The following EPB41L5 variants were observed in gnomAD, a reference collection of about 807,000 sequenced individuals.
EPB41L5 encodes band 4.1-like protein 5.
A neutral mutation model predicts 106.6 loss-of-function variants in EPB41L5; 55 were observed. The observed-to-expected ratio is 0.52, with a 90% CI of 0.42 to 0.65. The LOEUF is 0.65. EPB41L5 is among the 30% of genes least tolerant of loss of function. The pLI is 0.00. For missense variants in EPB41L5, 871 were observed against 882.1 expected, an observed-to-expected ratio of 0.99 and a Z score of 0.16; for synonymous variants, 297 against 306.7, an observed-to-expected ratio of 0.97 and a Z score of 0.33.
chr2:120,061,077 G>C (rs1467738193), intron 3 of EPB41L5, among the ~76,000 whole-genome samples: 3 of 107,394 alleles, frequency 2.8e-5, no homozygotes, highest in Non-Finnish European at 5.1e-5. Context: ...GTCTCACTCT[G>C]TTGCCCAGGC....
intron 2 of EPB41L5, among the ~76,000 whole-genome samples, chr2:120,036,961 A>G (rs934485249): frequency 2.0e-5 from 3 of 152,276 alleles, no homozygotes; most frequent in Admixed American, 1.3e-4. Flanking sequence ...CTTTTGTTCA[A>G]CATAGTACTG....
chr2:120,023,076 T>G (rs573777058), intron 2 of EPB41L5, among the ~76,000 whole-genome samples: 1 of 152,356 alleles, frequency 6.6e-6, no homozygotes, highest in Non-Finnish European at 1.5e-5. Context: ...AGATTCTGGA[T>G]ATTAGCCCTT....
At chr2:120,035,266 T>A (rs971282884) in intron 2 of EPB41L5, among the ~76,000 whole-genome samples, 11 of 152,184 alleles carry the variant, frequency 7.2e-5, no homozygotes, top group South Asian at 4.1e-4. Flanking sequence ...AAAATTTTTT[T>A]TAAAAATTTT....
At chr2:120,013,390 C>T (rs1288200568) in intron 1 of EPB41L5, 180 bp downstream of exon 1, 2 of 152,038 alleles carry the variant, frequency 1.3e-5, no homozygotes, top group Non-Finnish European at 2.9e-5. Context: ...ATTAATCCCG[C>T]CGGAGGGAGG....
intron 16 of EPB41L5, among the ~76,000 whole-genome samples, chr2:120,115,044 TAC>T (rs1319535441): frequency 6.6e-6 from 1 of 152,208 alleles, no homozygotes; most frequent in Non-Finnish European, 1.5e-5. Context: ...ATTTTTATCT[TAC>T]AGTTTCTTTT....
intron 3 of EPB41L5, among the ~76,000 whole-genome samples, chr2:120,050,200 A>G (rs533215302): frequency 8.9e-4 from 136 of 152,082 alleles, no homozygotes; most frequent in African/African-American, 3.3e-3. Flanking sequence ...CCTGAATTTG[A>G]ATGTTGGCCT....
rs6732280 is a variant in EPB41L5 at position 120,074,858 on chromosome 2, C to T, written c.408-618C>T. Among the ~76,000 whole-genome samples, 985 of 152,250 alleles carry T rather than the reference C, an allele frequency of 6.5e-3. 15 individuals are homozygous for T. The highest frequency in any genetic ancestry group is 0.021 in the African/African-American group (870 of 41,552). The stretch of plus-strand genomic sequence containing the variant: ...CCCTTCACATAACAAGTAGATGTCT[C>T]GCTCTGTCATCTAGGCTGGAGTGCA... On this transcript the variant is annotated intron_variant, in intron 5 of 24. Transcript: ENST00000263713.
rs1375810154 is a variant in EPB41L5, at chr2:120,177,736, A to G, written c.*2829A>G. 2 of 152,198 alleles carry G rather than the reference A, an allele frequency of 1.3e-5. No homozygotes were observed. The highest frequency in any genetic ancestry group is 2.4e-5 in the African/African-American group (1 of 41,442). The allele number at this position is 152,198 out of a possible 1,614,324, so 9.4% of individuals were successfully genotyped here. A position where few individuals can be genotyped will look rare whatever the true frequency, so the allele number is the denominator to read the frequency against. ...TTAACATTTATACATTGTTTTAAGA[A>G]AAAACTTTTAAAAATATTTCTTATA... is the stretch of plus-strand genomic sequence containing the variant. On this transcript the variant is annotated 3_prime_UTR_variant, in exon 25 of 25. Transcript: ENST00000263713.
intron 16 of EPB41L5, 150 bp downstream of exon 16, chr2:120,100,964 A>T (rs1350579538): frequency 5.0e-6 from 3 of 603,302 alleles, no homozygotes; most frequent in Non-Finnish European, 2.9e-6. Context: ...AATCATATTG[A>T]GATGGGGAAA....
Position 120,143,118 on chromosome 2 carries a change from A to G in EPB41L5, c.1715A>G (p.Glu572Gly). The G allele has an allele frequency of 6.2e-7, 1 of 1,602,634 alleles. No individual in the cohort carries two copies. The highest frequency in any genetic ancestry group is 8.5e-7 in the Non-Finnish European group (1 of 1,175,658). The change falls in exon 19 of 25, where the codon GAA becomes GGA. Residue 572 changes from glutamate to glycine, a missense_variant. Physicochemically the swap from Glu to Gly is moderately conservative, Grantham distance 98. Coordinates refer to ENST00000263713, the MANE Select transcript of EPB41L5 (RefSeq NM_020909.4). ...AGTAACATTTTGAAGGCTCAAGTAG[A>G]AGCAGTGCATAAGGTAAGCTGCCTT... is the stretch of plus-strand genomic sequence containing the variant. ...FKSNILKAQV[E>G]AVHKVTKEDS...
At chr2:120,058,149 A>G (rs1397696043) in intron 3 of EPB41L5, among the ~76,000 whole-genome samples, 2 of 152,092 alleles carry the variant, frequency 1.3e-5, no homozygotes, top group Non-Finnish European at 2.9e-5. Context: ...CTTGCTACAT[A>G]CTTGTTATGT....
intron 2 of EPB41L5, among the ~76,000 whole-genome samples, chr2:120,022,092 G>A (rs575114337): frequency 6.6e-6 from 1 of 152,250 alleles, no homozygotes; most frequent in East Asian, 1.9e-4. Context: ...TTGTTTAAGA[G>A]CTTAGTATTG....
intron 16 of EPB41L5, among the ~76,000 whole-genome samples, chr2:120,115,619 T>A (rs960642086): frequency 7.2e-5 from 11 of 152,074 alleles, no homozygotes; most frequent in Non-Finnish European, 1.6e-4. Context: ...CTCGAACTCC[T>A]GACCTTGTGA....
intron 1 of EPB41L5, among the ~76,000 whole-genome samples, chr2:120,016,386 C>A (rs891477096): frequency 6.6e-6 from 1 of 151,478 alleles, no homozygotes; most frequent in Admixed American, 6.6e-5. Context: ...GCCGAGATCG[C>A]GCCATTGCAC....
intron 16 of EPB41L5, among the ~76,000 whole-genome samples, chr2:120,107,251 C>T (rs758288430): frequency 1.4e-4 from 21 of 152,104 alleles, no homozygotes; most frequent in Non-Finnish European, 2.9e-4. Context: ...GGTCAGGGCA[C>T]ACTCTTCATT....
intron 20 of EPB41L5, among the ~76,000 whole-genome samples, chr2:120,156,186 G>A (rs971137060): frequency 6.6e-6 from 1 of 152,148 alleles, no homozygotes; most frequent in Non-Finnish European, 1.5e-5. Flanking sequence ...TTGTCCATCA[G>A]GTAGGGCTGC....
At chr2:120,057,889 A>G (rs1390751993) in intron 3 of EPB41L5, among the ~76,000 whole-genome samples, 3 of 152,074 alleles carry the variant, frequency 2.0e-5, no homozygotes, top group African/African-American at 7.2e-5. Flanking sequence ...TATATTTTTA[A>G]TTTTGATATT....
rs187521551 is a variant in EPB41L5 at position 120,174,716 on chromosome 2, C to T, written c.2136-125C>T. ...CTCATTGCCAGGTTAGGTGTTACTACATATTGACTTAGGTCTGTAATCTGC... is the reference window on the plus strand; with the variant it reads ...CTCATTGCCAGGTTAGGTGTTACTATATATTGACTTAGGTCTGTAATCTGC... On this transcript the variant is annotated intron_variant, in intron 24 of 24. Coordinates refer to ENST00000263713, the MANE Select transcript of EPB41L5 (RefSeq NM_020909.4). The T allele has an allele frequency of 4.0e-3, 3,117 of 779,604 alleles. 13 individuals are homozygous for T. The highest frequency in any genetic ancestry group is 5.6e-3 in the Non-Finnish European group (2,408 of 431,322). The allele number at this position is 779,604 out of a possible 1,614,324, so 48.3% of individuals were successfully genotyped here.
At chr2:120,060,849 A>G (rs543497278) in intron 3 of EPB41L5, among the ~76,000 whole-genome samples, 3 of 152,212 alleles carry the variant, frequency 2.0e-5, no homozygotes, top group African/African-American at 7.2e-5. Flanking sequence ...TCTTCTTACT[A>G]TCATTCCAAC....
Sources: allele counts gnomAD v4.1 joint callset (sites outside exome capture counted in the v4.1 genomes callset), GRCh38; gene constraint gnomAD v4.1.1; transcripts MANE v1.5; gene names NCBI Gene and HGNC (gene_info 2026-07-23, HGNC 2026-07-21).